TMEM38A: variants seen among roughly 807,000 people sequenced by gnomAD.
The protein encoded by TMEM38A is trimeric intracellular cation channel type A.
Under a neutral mutation model 28.6 loss-of-function variants are expected in TMEM38A, and 17 were observed. The ratio of observed to expected loss-of-function variants is 0.60; its 90% CI spans 0.41 to 0.89. TMEM38A has a LOEUF of 0.89. TMEM38A is among the 40% of genes least tolerant of loss of function. The pLI is 0.00. For missense variants in TMEM38A, 328 were observed against 393.1 expected (o/e 0.83, Z 1.40); for synonymous variants, 169 against 166.1 (o/e 1.02, Z -0.14).
chr19:16,667,745 G>C (rs1233812098), intron 1 of TMEM38A, among the ~76,000 whole-genome samples: 2 of 151,928 alleles, frequency 1.3e-5, no homozygotes, highest in African/African-American at 4.8e-5. Flanking sequence ...TGTAATCCCA[G>C]CTACTTGGGA....
chr19:16,683,382 A>C (rs556230912), intron 4 of TMEM38A, among the ~76,000 whole-genome samples: 12 of 151,934 alleles, frequency 7.9e-5, no homozygotes, highest in Non-Finnish European at 1.8e-4. Context: ...TGAGTCCAGG[A>C]GTTCAAGACA....
At chr19:16,687,527 A>C (rs987510090) in intron 5 of TMEM38A, among the ~76,000 whole-genome samples, 1 of 152,154 alleles carries the variant, frequency 6.6e-6, no homozygotes, top group African/African-American at 2.4e-5. Context: ...TCTCCAAAAA[A>C]AGGAAAAGGA....
chr19:16,672,447 T>TA, intron 1 of TMEM38A, among the ~76,000 whole-genome samples: 1 of 71,668 alleles, frequency 1.4e-5, no homozygotes, highest in East Asian at 5.7e-4. Flanking sequence ...AAAAACCTCA[T>TA]TTTTTTTTTT....
At chr19:16,664,185 G>A (rs990641795) in intron 1 of TMEM38A, among the ~76,000 whole-genome samples, 1 of 152,164 alleles carries the variant, frequency 6.6e-6, no homozygotes, top group Non-Finnish European at 1.5e-5. Flanking sequence ...GGGAGGCGAG[G>A]CGGGTGGATC....
Position 16,661,251 on chromosome 19 carries a change from C to T in TMEM38A, c.34C>T (p.Leu12=). 6.3e-7 allele frequency: 1 copy of T among 1,590,818 alleles called. No individual in the cohort carries two copies. The highest frequency in any genetic ancestry group is 1.1e-5 in the South Asian group (1 of 88,354). Reference sequence around the variant, plus strand: ...GCTCTCGGCGCTGAGCCTGGGCGAACTGGCGCTCAGCTTCTCGCGGGTGCC... The same window carrying T: ...GCTCTCGGCGCTGAGCCTGGGCGAATTGGCGCTCAGCTTCTCGCGGGTGCC... ...ELLSALSLGE[L]ALSFSRVPLF... is the part of the protein sequence containing the mutation. The change falls in exon 1 of 6, where the codon CTG becomes TTG. Residue 12 remains leucine (L), a synonymous_variant. Transcript: ENST00000187762. The surrounding 1 kb of genome is among the most constrained non-coding windows in gnomAD (Gnocchi z 6.5).
At position 16,664,677 on chromosome 19, in the gene TMEM38A, C is replaced by A. The variant is rs1478118415; in HGVS notation, c.124+3336C>A. On this transcript the variant is annotated intron_variant, in intron 1 of 5. Coordinates refer to ENST00000187762, the MANE Select transcript of TMEM38A (RefSeq NM_024074.4). ...AGCTGAGGCTGGAGGATCACTTGAG[C>A]CCAGGAGTTGGAGCTCAACTGCGCC... Among the ~76,000 whole-genome samples the A allele has an allele frequency of 2.0e-5, 3 of 152,040 alleles. No individual in the cohort carries two copies. The East Asian group carries it at 5.8e-4, about 29-fold the overall frequency.
At chr19:16,675,587 C>T (rs1416171925) in intron 1 of TMEM38A, among the ~76,000 whole-genome samples, 1 of 142,364 alleles carries the variant, frequency 7.0e-6, no homozygotes, top group African/African-American at 2.7e-5. Flanking sequence ...CTCACTCTGT[C>T]GCCCAGGCTG....
chr19:16,673,325 G>A (rs932700425), intron 1 of TMEM38A, among the ~76,000 whole-genome samples: 7 of 151,978 alleles, frequency 4.6e-5, no homozygotes, highest in Admixed American at 6.6e-5. Context: ...CAAGTGATCC[G>A]CCTGCCTTGG....
intron 1 of TMEM38A, among the ~76,000 whole-genome samples, chr19:16,676,485 C>A (rs2086752104): frequency 6.6e-6 from 1 of 152,046 alleles, no homozygotes; most frequent in Non-Finnish European, 1.5e-5. Context: ...ATGTAATGTA[C>A]AGAGTAGCTG....
chr19:16,668,438 C>T (rs553285960), intron 1 of TMEM38A, among the ~76,000 whole-genome samples: 4 of 148,716 alleles, frequency 2.7e-5, no homozygotes, highest in African/African-American at 7.5e-5. Context: ...CCAGCTACTC[C>T]GGAGGCTGAG....
chr19:16,688,302 C>CA lies in TMEM38A; in HGVS notation c.832dup (p.Met278AsnfsTer71). 3 of 1,609,240 alleles carry CA rather than the reference C, an allele frequency of 1.9e-6. No homozygotes were observed. Among genetic ancestry groups the CA allele is most frequent in the Non-Finnish European group, 2.5e-6 (3 of 1,177,778 alleles). Reference sequence around the variant, plus strand: ...GTGGGCCAGGAGCTCAGCATTCGGCCATGCCCGCCAAGTCCAAGGAGGAGT... The same window carrying CA: ...GTGGGCCAGGAGCTCAGCATTCGGCCAATGCCCGCCAAGTCCAAGGAGGAGT... On this transcript the variant is annotated frameshift_variant, in exon 6 of 6. Transcript: ENST00000187762. LOFTEE classifies it high-confidence loss of function.
At chr19:16,682,553 C>T (rs374441096) in intron 4 of TMEM38A, 45 bp downstream of exon 4, 44 of 1,561,736 alleles carry the variant, frequency 2.8e-5, no homozygotes, top group Admixed American at 2.5e-4. Flanking sequence ...CCTGTATGTC[C>T]GGGTGCCTGA....
chr19:16,666,517 C>T (rs890612217), intron 1 of TMEM38A, among the ~76,000 whole-genome samples: 11 of 151,964 alleles, frequency 7.2e-5, no homozygotes, highest in African/African-American at 2.7e-4. Flanking sequence ...TGGCCTCCAA[C>T]TCCTGGGCTC....
intron 4 of TMEM38A, among the ~76,000 whole-genome samples, chr19:16,682,956 G>A (rs1568316741): frequency 6.6e-6 from 1 of 152,118 alleles, no homozygotes; most frequent in African/African-American, 2.4e-5. Context: ...ATCCCACACT[G>A]CATTTAGCTT....
chr19:16,682,590 T>TA, intron 4 of TMEM38A, 82 bp downstream of exon 4: 2 of 1,246,568 alleles, frequency 1.6e-6, no homozygotes, highest in Non-Finnish European at 2.4e-6. Context: ...GCTGATAACT[T>TA]AGAGAGGCCT....
chr19:16,670,264 G>T (rs970459108), intron 1 of TMEM38A, among the ~76,000 whole-genome samples: 1 of 145,622 alleles, frequency 6.9e-6, no homozygotes, highest in Non-Finnish European at 1.5e-5. Context: ...CACTGCGCCC[G>T]GCCTGTTTTT....
At chr19:16,665,691 A>C (rs1417043305) in intron 1 of TMEM38A, among the ~76,000 whole-genome samples, 2 of 152,122 alleles carry the variant, frequency 1.3e-5, no homozygotes, top group Admixed American at 1.3e-4. Flanking sequence ...GTCAGGGATA[A>C]GGTCTAAGGC....
Position 16,673,049 on chromosome 19 carries a change from CT to C in TMEM38A, c.125-6934del, listed in dbSNP as rs532952476. On this transcript the variant is annotated intron_variant, in intron 1 of 5. Coordinates refer to ENST00000187762, the MANE Select transcript of TMEM38A (RefSeq NM_024074.4). ...GAGGTTGAAAAACCCTGATCAAGGT[CT>C]AGTTCACTTTTCTTTTTCTTTTTGT... is the stretch of plus-strand genomic sequence containing the variant. Among the ~76,000 whole-genome samples, 924 of 151,704 alleles carry C rather than the reference CT, an allele frequency of 6.1e-3. 12 individuals are homozygous for C. Among genetic ancestry groups the C allele is most frequent in the African/African-American group, 0.021 (876 of 41,088 alleles).
At chr19:16,671,445 G>A (rs2086727211) in intron 1 of TMEM38A, among the ~76,000 whole-genome samples, 1 of 151,990 alleles carries the variant, frequency 6.6e-6, no homozygotes, top group African/African-American at 2.4e-5. Flanking sequence ...CTGACCTCAA[G>A]TGATCCACCT....
Sources: gnomAD v4.1 joint callset for allele counts (sites outside exome capture counted in the v4.1 genomes callset) on GRCh38, gnomAD v4.1.1 for gene constraint, Gnocchi (gnomAD v3.1) non-coding constraint, MANE v1.5 for transcripts, NCBI Gene and HGNC (gene_info 2026-07-23, HGNC 2026-07-21) for gene names.